Variants in RNF10 observed in about 807,000 individuals in gnomAD.
RNF10 encodes the protein E3 ubiquitin-protein ligase RNF10.
Under a neutral mutation model 91.4 loss-of-function variants are expected in RNF10, and 38 were observed. That is an observed-to-expected ratio of 0.42 (90% CI 0.32 to 0.54). RNF10 has a LOEUF of 0.54. Among genes scored for constraint, RNF10 ranks in the 20% least tolerant of loss-of-function variants. The pLI, the probability that RNF10 is intolerant of heterozygous loss-of-function variation, is 0.16. For synonymous variants in RNF10, 364 were observed against 366.3 expected (o/e 0.99, Z 0.07); for missense variants, 945 against 1,012.0 (o/e 0.93, Z 0.90).
intron 10 of RNF10, among the ~76,000 whole-genome samples, chr12:120,564,749 C>CT (rs1162116996): frequency 9.9e-5 from 15 of 152,222 alleles, no homozygotes; most frequent in Admixed American, 1.3e-4. Flanking sequence ...CAACAAATAA[C>CT]TTTATCTTCT....
intron 14 of RNF10, chr12:120,575,197 T>G (rs1052812211): frequency 4.1e-5 from 7 of 170,964 alleles, no homozygotes; most frequent in Admixed American, 1.1e-4. Context: ...TATTGTGCCA[T>G]TGCACGCCAG....
intron 10 of RNF10, among the ~76,000 whole-genome samples, chr12:120,564,660 G>C (rs1189734734): frequency 6.6e-6 from 1 of 152,126 alleles, no homozygotes; most frequent in African/African-American, 2.4e-5. Flanking sequence ...TCTTTCAATA[G>C]GGAGATCTGC....
At chr12:120,557,085 C>CA (rs36018229) in intron 4 of RNF10, among the ~76,000 whole-genome samples, 197 bp from the exon 5 acceptor site, 53,360 of 110,698 alleles carry the variant, frequency 0.48, 11,694 homozygotes, top group East Asian at 0.59. Flanking sequence ...TGGACCGTCT[C>CA]AAAAAAAAAA....
rs58304342 is a variant in RNF10, at chr12:120,569,538, C to CTTTTTTTT, written c.2042-1649_2042-1642dup. Among the ~76,000 whole-genome samples, 34 of 115,234 alleles carry CTTTTTTTT rather than the reference C, an allele frequency of 3.0e-4. 2 individuals are homozygous for CTTTTTTTT. The highest frequency in any genetic ancestry group is 8.5e-4 in the African/African-American group (27 of 31,830). The allele number at this position is 115,234 out of a possible 152,430, so 75.6% of individuals were successfully genotyped here. On this transcript the variant is annotated intron_variant, in intron 13 of 16. Transcript: ENST00000325954. Reference sequence around the variant, plus strand: ...TAAATACATTATTTGTGATATGCATCTTTTTTTTTTTGAGACAGGGTCTCG... The same window carrying CTTTTTTTT: ...TAAATACATTATTTGTGATATGCATCTTTTTTTTTTTTTTTTTTTGAGACAGGGTCTCG...
rs753250531 is a variant in RNF10, at chr12:120,557,566, A to T, written c.851A>T (p.His284Leu). Residue 284 changes from histidine to leucine, a missense_variant, in exon 6 of 17, where the codon CAT becomes CTT. Physicochemically the swap from His to Leu is moderately conservative, Grantham distance 99 (BLOSUM62 -3). Transcript: ENST00000325954. Reference sequence around the variant, plus strand: ...TTCAGTGTTGTTGCCACAGAGTCACATCAGTATGTTGTTGGTGATACCATT... The same window carrying T: ...TTCAGTGTTGTTGCCACAGAGTCACTTCAGTATGTTGTTGGTGATACCATT... ...DLKSVVATES[H>L]QYVVGDTITM... The T allele has an allele frequency of 8.7e-6, 14 of 1,614,244 alleles. No homozygotes were observed. The highest frequency in any genetic ancestry group is 1.2e-5 in the Non-Finnish European group (14 of 1,180,038).
chr12:120,562,796 A>G (rs577858984), intron 7 of RNF10, 149 bp from the exon 8 acceptor site: 54 of 827,184 alleles, frequency 6.5e-5, no homozygotes, highest in Non-Finnish European at 9.9e-5. Context: ...CTCAAAGTTG[A>G]GATATTTAAG....
intron 3 of RNF10, among the ~76,000 whole-genome samples, chr12:120,553,066 T>G (rs1593073767): frequency 1.9e-4 from 1 of 5,324 alleles, no homozygotes; most frequent in Non-Finnish European, 5.6e-4. Flanking sequence ...TTTTTTTTTT[T>G]TTTTTTTTTT....
chr12:120,551,290 GTTTTTTTTTTT>G (rs63002361), intron 2 of RNF10, among the ~76,000 whole-genome samples: 9 of 83,220 alleles, frequency 1.1e-4, no homozygotes, highest in South Asian at 5.5e-4. Flanking sequence ...CCATCCTAGT[GTTTTTTTTTTT>G]TTTTTTTTTT....
chr12:120,557,130 T>A, intron 4 of RNF10, 152 bp from the exon 5 acceptor site: 1 of 670,598 alleles, frequency 1.5e-6, no homozygotes, highest in Non-Finnish European at 2.5e-6. Context: ...TGTACCTACG[T>A]TGTAAACAAT....
intron 6 of RNF10, among the ~76,000 whole-genome samples, chr12:120,560,480 C>T (rs142745942): frequency 1.7e-3 from 265 of 152,216 alleles, no homozygotes; most frequent in African/African-American, 5.7e-3. Context: ...ATATTACATA[C>T]AATGCTGTAA....
Position 120,575,841 on chromosome 12 carries a change from T to A in RNF10, c.2250T>A (p.Ser750Arg). The change falls in exon 16 of 17, where the codon AGT (serine) becomes AGA (arginine). Residue 750 changes from serine to arginine, a missense_variant. Transcript: ENST00000325954. ...CCCCTGTGGACAGCGACGGGGAGAG[T>A]GATAATTCAGACCGTGTTCCTGTGC... ...PPAPVDSDGE[S>R]DNSDRVPVPS... is the part of the protein sequence containing the mutation. 1 of 1,613,726 alleles carries A rather than the reference T, an allele frequency of 6.2e-7. No homozygotes were observed. Among genetic ancestry groups the A allele is most frequent in the Non-Finnish European group, 8.5e-7 (1 of 1,179,936 alleles).
At chr12:120,559,581 C>T (rs1038898557) in intron 6 of RNF10, among the ~76,000 whole-genome samples, 1 of 152,038 alleles carries the variant, frequency 6.6e-6, no homozygotes, top group African/African-American at 2.4e-5. Flanking sequence ...GACGGGGTTT[C>T]ACCATGTTGG....
At chr12:120,543,668 T>C (rs1167715) in intron 1 of RNF10, among the ~76,000 whole-genome samples, 43,871 of 151,936 alleles carry the variant, frequency 0.29, 7,021 homozygotes, top group Admixed American at 0.4. Context: ...AAGAATGGTG[T>C]ATATGCCTGG....
intron 2 of RNF10, among the ~76,000 whole-genome samples, chr12:120,551,746 C>T (rs1429892126): frequency 1.3e-5 from 2 of 152,182 alleles, no homozygotes; most frequent in Admixed American, 6.5e-5. Flanking sequence ...TGCCCCTCTT[C>T]AGCCTCCTGA....
intron 14 of RNF10, chr12:120,574,484 T>A (rs985804276): frequency 2.2e-6 from 1 of 455,926 alleles, no homozygotes; most frequent in Non-Finnish European, 4.4e-6. Flanking sequence ...TACTGGCCTG[T>A]GGTTGGATCT....
chr12:120,546,430 G>C lies in RNF10; in HGVS notation c.183G>C (p.Lys61Asn), dbSNP rs538337097. The change falls in exon 2 of 17, where the codon AAG becomes AAC. Residue 61 changes from lysine to asparagine, a missense_variant. Transcript: ENST00000325954. ...ATGGAAAGAACTCCAGTGGATCCAA[G>C]CGTTATAATCGCAAACGTGAACTTT... ...KSDGKNSSGS[K>N]RYNRKRELSY... 1.2e-6 allele frequency: 2 copies of C among 1,613,482 alleles called. No individual in the cohort carries two copies. The highest frequency in any genetic ancestry group is 2.7e-5 in the African/African-American group (2 of 74,958).
intron 14 of RNF10, among the ~76,000 whole-genome samples, chr12:120,573,617 ACT>A (rs1876980688): frequency 6.6e-6 from 1 of 151,276 alleles, no homozygotes; most frequent in Admixed American, 6.6e-5. Flanking sequence ...TTGGCTCATG[ACT>A]CTGCTGGCTG....
intron 7 of RNF10, among the ~76,000 whole-genome samples, chr12:120,562,439 T>G (rs1177112175): frequency 6.6e-6 from 1 of 151,406 alleles, no homozygotes; most frequent in East Asian, 1.9e-4. Flanking sequence ...CATGCCTGGG[T>G]TATTTTGTAT....
chr12:120,550,469 G>A (rs189709762), intron 2 of RNF10, among the ~76,000 whole-genome samples: 150 of 152,234 alleles, frequency 9.9e-4, no homozygotes, highest in African/African-American at 3.3e-3. Flanking sequence ...CATTAAGGGT[G>A]GAAGACCGTT....
Sources: gnomAD v4.1 joint callset for allele counts (sites outside exome capture counted in the v4.1 genomes callset) on GRCh38, gnomAD v4.1.1 for gene constraint, MANE v1.5 for transcripts, NCBI Gene and HGNC (gene_info 2026-07-23, HGNC 2026-07-21) for gene names.